The following MBNL2 variants were observed in gnomAD, a reference collection of about 807,000 sequenced individuals.
MBNL2 encodes the protein muscleblind like splicing regulator 2.
Under a neutral mutation model 41.9 loss-of-function variants are expected in MBNL2, and 17 were observed. The ratio of observed to expected loss-of-function variants is 0.41; its 90% confidence interval spans 0.28 to 0.61. The LOEUF (loss-of-function observed/expected upper bound fraction) is 0.61. MBNL2 is among the 20% of genes least tolerant of loss of function. The probability of loss-of-function intolerance (pLI) is 0.35; values close to 1 mark genes in which losing one functional copy is unlikely to be tolerated. For missense variants in MBNL2, 336 were observed against 505.6 expected, an observed-to-expected ratio of 0.66 and a Z score of 3.22; for synonymous variants, 195 against 182.9, an observed-to-expected ratio of 1.07 and a Z score of -0.53.
chr13:97,260,910 T>C (rs1158193453), intron 1 of MBNL2, among the ~76,000 whole-genome samples: 2 of 152,078 alleles, frequency 1.3e-5, no homozygotes, highest in Non-Finnish European at 2.9e-5. Context: ...ATCACTCTCA[T>C]CTTTATTTTC....
chr13:97,232,419 A>G (rs1169838160), intron 1 of MBNL2, among the ~76,000 whole-genome samples: 1 of 152,236 alleles, frequency 6.6e-6, no homozygotes, highest in Non-Finnish European at 1.5e-5. Context: ...TATTGAATTT[A>G]TTGAGCACTT....
chr13:97,203,327 A>G, the MBNL2 span, among the ~76,000 whole-genome samples: 1 of 152,206 alleles, frequency 6.6e-6, no homozygotes, highest in Non-Finnish European at 1.5e-5. Context: ...ATTGGCAAAT[A>G]CAAATGGATC....
At chr13:97,354,049 A>AG (rs202037416) in intron 5 of MBNL2, among the ~76,000 whole-genome samples, 2,387 of 151,706 alleles carry the variant, frequency 0.016, 69 homozygotes, top group African/African-American at 0.047. Context: ...CAAAAAAAAA[A>AG]AAAAAAAGCC....
chr13:97,257,937 G>A (rs1477033513), intron 1 of MBNL2, among the ~76,000 whole-genome samples: 1 of 152,204 alleles, frequency 6.6e-6, no homozygotes, highest in East Asian at 1.9e-4. Context: ...CCTCAAAGTG[G>A]TGGCCTGTTG....
intron 7 of MBNL2, among the ~76,000 whole-genome samples, chr13:97,364,144 T>C (rs1566442904): frequency 6.6e-6 from 1 of 152,194 alleles, no homozygotes; most frequent in Non-Finnish European, 1.5e-5. Context: ...ATAATATTCA[T>C]GGTCAGAGTC....
intron 1 of MBNL2, among the ~76,000 whole-genome samples, chr13:97,251,302 GGC>G (rs1301979233): frequency 5.3e-5 from 8 of 151,672 alleles, no homozygotes; most frequent in African/African-American, 1.9e-4. Flanking sequence ...TTGAGGTGAT[GGC>G]TACCCAATTT....
At chr13:97,304,894 T>C (rs138775059) in intron 2 of MBNL2, among the ~76,000 whole-genome samples, 97 of 152,358 alleles carry the variant, frequency 6.4e-4, no homozygotes, top group Middle Eastern at 3.4e-3. Flanking sequence ...GTTGGAGGGA[T>C]ACCAGCTCTG....
intron 1 of MBNL2, among the ~76,000 whole-genome samples, chr13:97,258,670 C>T (rs1349445095): frequency 2.6e-5 from 4 of 152,176 alleles, no homozygotes; most frequent in Non-Finnish European, 5.9e-5. Flanking sequence ...CCCTTGGATC[C>T]TCCAAGCCAC....
chr13:97,168,549 T>C, the MBNL2 span, among the ~76,000 whole-genome samples: 1 of 152,236 alleles, frequency 6.6e-6, no homozygotes, highest in Admixed American at 6.5e-5. Context: ...TTGATTTGTT[T>C]TCCTGTGTCC....
intron 2 of MBNL2, among the ~76,000 whole-genome samples, chr13:97,281,679 G>T (rs1458654073): frequency 1.3e-5 from 2 of 152,068 alleles, no homozygotes; most frequent in African/African-American, 4.8e-5. Context: ...TATTAATTTT[G>T]GCCTGATTTG....
Position 97,391,490 on chromosome 13 carries a change from A to AGCG in MBNL2, c.*43_*44insGGC. On this transcript the variant is annotated 3_prime_UTR_variant, in exon 9 of 9. Coordinates refer to ENST00000679496, the MANE Select transcript of MBNL2 (RefSeq NM_001382683.1). ...TTCTGGACAGACCACAACTCTAAGA[A>AGCG]GCTAGTGCTGCTATCTCATATATGA... is the stretch of plus-strand genomic sequence containing the variant. The AGCG allele has an allele frequency of 1.2e-6, 1 of 850,462 alleles. No homozygotes were observed. Among genetic ancestry groups the AGCG allele is most frequent in the Non-Finnish European group, 2.0e-6 (1 of 488,232 alleles). The allele number at this position is 850,462 out of a possible 1,614,324, so 52.7% of individuals were successfully genotyped here.
chr13:97,352,656 G>A (rs2062607248), intron 5 of MBNL2, among the ~76,000 whole-genome samples: 2 of 152,148 alleles, frequency 1.3e-5, no homozygotes, highest in Non-Finnish European at 2.9e-5. Flanking sequence ...AAGACACAAA[G>A]TTAGCACATG....
In MBNL2 at chr13:97,391,328, C is replaced by T; in HGVS notation, c.1055C>T (p.Ser352Phe). 1 of 1,422,788 alleles carries T rather than the reference C, an allele frequency of 7.0e-7. No individual in the cohort carries two copies. The highest frequency in any genetic ancestry group is 9.9e-7 in the Non-Finnish European group (1 of 1,006,788). 88.1% of individuals were successfully genotyped at this position (1,422,788 alleles called of 1,614,324 possible). Residue 352 changes from serine to phenylalanine, a missense_variant, in exon 9 of 9, where the codon TCT (serine) becomes TTT (phenylalanine). Coordinates refer to ENST00000679496, the MANE Select transcript of MBNL2 (RefSeq NM_001382683.1). ...CMTPATSIDN[S>F]EIISRNGMEC... is the part of the protein sequence containing the mutation. The stretch of plus-strand genomic sequence containing the variant: ...TTGTCTTTCTCTTTAACAGATAATT[C>T]TGAAATAATCAGCAGAAACGGAATG...
the MBNL2 span, among the ~76,000 whole-genome samples, chr13:97,189,818 A>G: frequency 6.6e-6 from 1 of 152,212 alleles, no homozygotes; most frequent in African/African-American, 2.4e-5. Flanking sequence ...ACAGATAAGG[A>G]ATTTTAACCA....
intron 1 of MBNL2, among the ~76,000 whole-genome samples, chr13:97,239,249 T>A (rs762376743): frequency 1.3e-5 from 2 of 152,254 alleles, no homozygotes; most frequent in Non-Finnish European, 2.9e-5. Flanking sequence ...CCTAGATAAC[T>A]CTTCTCCTAA....
chr13:97,212,742 C>A, the MBNL2 span, among the ~76,000 whole-genome samples: 1 of 152,208 alleles, frequency 6.6e-6, no homozygotes, highest in Non-Finnish European at 1.5e-5. Flanking sequence ...TCACTATGTA[C>A]ATATTTAATA....
chr13:97,260,830 C>T (rs921585267), intron 1 of MBNL2, among the ~76,000 whole-genome samples: 1 of 152,188 alleles, frequency 6.6e-6, no homozygotes, highest in Non-Finnish European at 1.5e-5. Flanking sequence ...CCACCTTCCC[C>T]ATCCACAGAT....
intron 7 of MBNL2, among the ~76,000 whole-genome samples, chr13:97,364,846 GA>G (rs749100446): frequency 1.6e-4 from 24 of 152,302 alleles, no homozygotes; most frequent in Admixed American, 1.1e-3. Flanking sequence ...GGTCTTAGAG[GA>G]AGGACACCAC....
Position 97,261,589 on chromosome 13 carries a change from G to A in MBNL2, c.-604-14043G>A, listed in dbSNP as rs377501934. Among the ~76,000 whole-genome samples the A allele has an allele frequency of 2.4e-3, 358 of 152,222 alleles. 3 individuals carry two copies. Among genetic ancestry groups the A allele is most frequent in the African/African-American group, 8.0e-3 (331 of 41,550 alleles). The stretch of plus-strand genomic sequence containing the variant: ...TCTCAGAATAAATTAACGCTCTTTC[G>A]CTGAAGTTGTGCCTCCTGGGCCACT... On this transcript the variant is annotated intron_variant, in intron 1 of 8. Transcript: ENST00000679496.
Sources: allele counts gnomAD v4.1 joint callset (sites outside exome capture counted in the v4.1 genomes callset), GRCh38; gene constraint gnomAD v4.1.1; transcripts MANE v1.5; gene names NCBI Gene and HGNC (gene_info 2026-07-23, HGNC 2026-07-21).